Variants in KLHL1 observed in about 807,000 individuals in gnomAD.
KLHL1 encodes kelch like family member 1.
KLHL1 carries 47 observed loss-of-function variants against 77.7 expected under a neutral mutation model. The observed-to-expected ratio is 0.60, with a 90% CI of 0.48 to 0.77. The LOEUF (loss-of-function observed/expected upper bound fraction) is 0.77, where lower values mean the gene tolerates loss of function less well. Ranked by LOEUF, KLHL1 falls within the 30% of genes least tolerant of loss-of-function variation. KLHL1 has a pLI of 0.00. For missense variants in KLHL1, 925 were observed against 910.8 expected (o/e 1.02, Z -0.20); for synonymous variants, 360 against 325.2 (o/e 1.11, Z -1.15).
At chr13:69,703,836 C>T (rs1875509572) in intron 10 of KLHL1, among the ~76,000 whole-genome samples, 1 of 151,612 alleles carries the variant, frequency 6.6e-6, no homozygotes, top group Non-Finnish European at 1.5e-5. Flanking sequence ...ATCATACAGC[C>T]TCAGTGTGTA....
At chr13:69,823,416 G>T (rs369096082) in intron 6 of KLHL1, among the ~76,000 whole-genome samples, 1 of 151,886 alleles carries the variant, frequency 6.6e-6, no homozygotes, top group African/African-American at 2.4e-5. Flanking sequence ...TTGGTGAGGC[G>T]TTAGGCTCTA....
Position 70,086,590 on chromosome 13 carries a change from AAAAG to A in KLHL1, c.497+20609_497+20612del, listed in dbSNP as rs869169817. Among the ~76,000 whole-genome samples the A allele has an allele frequency of 6.4e-4, 55 of 85,782 alleles. 1 individual carries two copies. The highest frequency in any genetic ancestry group is 8.2e-3 in the Middle Eastern group (1 of 122). 56.3% of individuals were successfully genotyped at this position (85,782 alleles called of 152,430 possible). Reference sequence around the variant, plus strand: ...TCTGTCTCAAAAAAAAAAAAAAAAAAAAAGAAAGAAAGAAAGAAAGAAAGAAAGA... The same window carrying A: ...TCTGTCTCAAAAAAAAAAAAAAAAAAAAAGAAAGAAAGAAAGAAAGAAAGA... On this transcript the variant is annotated intron_variant, in intron 1 of 10. Transcript: ENST00000377844.
At chr13:70,076,768 A>G (rs1255045851) in intron 1 of KLHL1, among the ~76,000 whole-genome samples, 2 of 151,956 alleles carry the variant, frequency 1.3e-5, no homozygotes, top group Admixed American at 6.6e-5. Flanking sequence ...TAAAATACAC[A>G]AAGAACTCCA....
At chr13:69,975,882 A>C in intron 1 of KLHL1, 80 bp from the exon 2 acceptor site, 1 of 1,406,924 alleles carries the variant, frequency 7.1e-7, no homozygotes, top group Non-Finnish European at 9.2e-7. Flanking sequence ...AATAACATAC[A>C]GGTTTTTATC....
intron 4 of KLHL1, among the ~76,000 whole-genome samples, chr13:69,939,340 C>CATATATATATATATAT (rs34074889): frequency 5.4e-4 from 33 of 60,820 alleles, no homozygotes; most frequent in East Asian, 2.0e-3. Flanking sequence ...CATATACATA[C>CATATATATATATATAT]ATATATATAT....
chr13:69,975,558 A>T, intron 2 of KLHL1, 62 bp downstream of exon 2: 1 of 1,392,104 alleles, frequency 7.2e-7, no homozygotes, highest in Non-Finnish European at 9.9e-7. Flanking sequence ...TGCAATCTGC[A>T]TGCCAGTCTG....
chr13:69,794,830 A>G (rs1434395786), intron 7 of KLHL1, among the ~76,000 whole-genome samples: 4 of 152,132 alleles, frequency 2.6e-5, no homozygotes. Flanking sequence ...AACAATACAG[A>G]AGGCTGAATA....
At chr13:69,997,924 C>T (rs866989972) in intron 1 of KLHL1, among the ~76,000 whole-genome samples, 11 of 151,568 alleles carry the variant, frequency 7.3e-5, no homozygotes, top group Non-Finnish European at 1.5e-4. Flanking sequence ...TAGGAGTGCA[C>T]GTGTCTCTTC....
intron 1 of KLHL1, among the ~76,000 whole-genome samples, chr13:70,009,228 A>T (rs1200393981): frequency 1.3e-5 from 2 of 152,120 alleles, no homozygotes; most frequent in Non-Finnish European, 2.9e-5. Context: ...CTTTGAACGA[A>T]GACTACACAC....
intron 5 of KLHL1, among the ~76,000 whole-genome samples, chr13:69,861,965 C>CAAAATAAAAT (rs58892254): frequency 0.04 from 4,983 of 123,272 alleles, 145 homozygotes; most frequent in East Asian, 0.088. Flanking sequence ...AACTCCGTCT[C>CAAAATAAAAT]AAAATAAAAT....
intron 7 of KLHL1, among the ~76,000 whole-genome samples, chr13:69,745,713 A>G (rs1284549976): frequency 1.3e-5 from 2 of 151,968 alleles, no homozygotes; most frequent in Admixed American, 1.3e-4. Flanking sequence ...AAGCATAACA[A>G]TGACTATTGA....
chr13:69,827,730 A>G (rs916689127), intron 6 of KLHL1, among the ~76,000 whole-genome samples: 1 of 83,872 alleles, frequency 1.2e-5, no homozygotes, highest in African/African-American at 8.9e-5. Flanking sequence ...ACCCTGTCTC[A>G]AAAAAAAAAA....
intron 5 of KLHL1, among the ~76,000 whole-genome samples, chr13:69,846,907 T>C (rs1468393850): frequency 6.6e-6 from 1 of 151,486 alleles, no homozygotes; most frequent in Non-Finnish European, 1.5e-5. Context: ...CTGAAAGTAT[T>C]GCTTTATAAA....
chr13:69,970,443 C>T (rs552214621), intron 2 of KLHL1, among the ~76,000 whole-genome samples: 1 of 152,202 alleles, frequency 6.6e-6, no homozygotes. Context: ...CCATCTTTCT[C>T]TTTGAATGTG....
chr13:70,003,549 G>T (rs190570116), intron 1 of KLHL1, among the ~76,000 whole-genome samples: 1 of 151,856 alleles, frequency 6.6e-6, no homozygotes, highest in Admixed American at 6.6e-5. Context: ...AGAGATTCTT[G>T]TTATGCTTGA....
At chr13:70,063,532 A>G (rs1886940545) in intron 1 of KLHL1, among the ~76,000 whole-genome samples, 1 of 152,120 alleles carries the variant, frequency 6.6e-6, no homozygotes, top group African/African-American at 2.4e-5. Context: ...TTATAATCTA[A>G]CACACATGAT....
intron 5 of KLHL1, among the ~76,000 whole-genome samples, chr13:69,846,627 G>A (rs1879469055): frequency 6.6e-6 from 1 of 151,192 alleles, no homozygotes; most frequent in South Asian, 2.1e-4. Context: ...ATATATATAT[G>A]AATAAATACA....
At chr13:69,742,770 A>T (rs1874038537) in intron 7 of KLHL1, among the ~76,000 whole-genome samples, 1 of 152,182 alleles carries the variant, frequency 6.6e-6, no homozygotes, top group Non-Finnish European at 1.5e-5. Flanking sequence ...ATATGGAGGG[A>T]TCGTGTTTTG....
chr13:69,708,239 G>T (rs766761739), intron 9 of KLHL1, among the ~76,000 whole-genome samples: 6 of 151,828 alleles, frequency 4.0e-5, no homozygotes, highest in Non-Finnish European at 8.8e-5. Flanking sequence ...GCCTAAATTT[G>T]CTAGGAAAAA....
Sources: allele counts gnomAD v4.1 joint callset (sites outside exome capture counted in the v4.1 genomes callset), GRCh38; gene constraint gnomAD v4.1.1; transcripts MANE v1.5; gene names NCBI Gene and HGNC (gene_info 2026-07-23, HGNC 2026-07-21).